Variants in FTO observed in about 807,000 individuals in gnomAD.
FTO encodes alpha-ketoglutarate-dependent dioxygenase FTO.
A neutral mutation model predicts 63.9 loss-of-function variants in FTO; 47 were observed. The observed-to-expected ratio is 0.74, with a 90% confidence interval of 0.58 to 0.94. The LOEUF is 0.94. Among genes scored for constraint, FTO ranks in the 40% least tolerant of loss-of-function variants. FTO has a pLI of 0.00. For missense variants in FTO, 562 were observed against 618.1 expected, an observed-to-expected ratio of 0.91 and a Z score of 0.96; for synonymous variants, 207 against 224.4, an observed-to-expected ratio of 0.92 and a Z score of 0.69.
chr16:53,830,225 A>G (rs1231942629), intron 3 of FTO, among the ~76,000 whole-genome samples: 2 of 152,244 alleles, frequency 1.3e-5, no homozygotes, highest in Non-Finnish European at 2.9e-5. Flanking sequence ...AGATATCTCC[A>G]GTAGGAAGAT....
At chr16:53,921,629 C>A (rs564234869) in intron 7 of FTO, among the ~76,000 whole-genome samples, 5 of 152,064 alleles carry the variant, frequency 3.3e-5, no homozygotes, top group African/African-American at 9.7e-5. Flanking sequence ...AAAGATAAGG[C>A]AAGGCACCGT....
At chr16:53,911,392 A>G (rs925727658) in intron 7 of FTO, 1 of 703,126 alleles carries the variant, frequency 1.4e-6, no homozygotes, top group African/African-American at 1.7e-5. Context: ...GGAGTGGAGG[A>G]AAGTCAGCGA....
At chr16:54,005,434 G>A (rs1425433394) in intron 8 of FTO, among the ~76,000 whole-genome samples, 1 of 149,780 alleles carries the variant, frequency 6.7e-6, no homozygotes, top group East Asian at 1.9e-4. Context: ...TACACACAGT[G>A]TGTGTACACT....
chr16:53,897,191 A>AT (rs1051072176), intron 7 of FTO, among the ~76,000 whole-genome samples: 15 of 150,960 alleles, frequency 9.9e-5, no homozygotes, highest in South Asian at 4.2e-4. Context: ...TGTGATTGAC[A>AT]TTTTTTTTTG....
chr16:53,761,300 T>C (rs1318133256), intron 1 of FTO, among the ~76,000 whole-genome samples: 4 of 151,266 alleles, frequency 2.6e-5, no homozygotes, highest in East Asian at 2.0e-4. Flanking sequence ...TGGCACCTTA[T>C]TATGTTTCCC....
chr16:54,019,487 T>C (rs1454783632), intron 8 of FTO, among the ~76,000 whole-genome samples: 1 of 152,224 alleles, frequency 6.6e-6, no homozygotes, highest in African/African-American at 2.4e-5. Context: ...GCAAAAGTTG[T>C]TGGCATATCT....
chr16:54,086,270 T>C (rs2086253046), intron 8 of FTO, among the ~76,000 whole-genome samples: 1 of 152,178 alleles, frequency 6.6e-6, no homozygotes, highest in Non-Finnish European at 1.5e-5. Context: ...ACAAGACCCA[T>C]GTATCCAGCC....
At chr16:53,756,847 G>A (rs1281233728) in intron 1 of FTO, among the ~76,000 whole-genome samples, 1 of 152,194 alleles carries the variant, frequency 6.6e-6, no homozygotes, top group Non-Finnish European at 1.5e-5. Flanking sequence ...TGTGTACTCA[G>A]AGCATTTGAA....
intron 7 of FTO, among the ~76,000 whole-genome samples, chr16:53,930,094 A>T (rs900875188): frequency 6.6e-6 from 1 of 151,736 alleles, no homozygotes; most frequent in African/African-American, 2.4e-5. Context: ...ATTCTCCACC[A>T]CTTGTTAATA....
rs375149373 is a variant in FTO, at chr16:53,997,679, T to A, written c.1364+63570T>A. Among the ~76,000 whole-genome samples the A allele has an allele frequency of 4.4e-4, 61 of 137,586 alleles. 1 individual carries two copies. In the South Asian group the frequency reaches 0.015, roughly 33 times the overall value. The allele number at this position is 137,586 out of a possible 152,430, so 90.3% of individuals were successfully genotyped here. A position where few individuals can be genotyped will look rare whatever the true frequency, so the allele number is the denominator to read the frequency against. On this transcript the variant is annotated intron_variant, in intron 8 of 8. Transcript: ENST00000471389. ...AACATTCAGAAACTGTCCTTCTTAA[T>A]ATTTTTGCCATATTTGATTTGGATC...
chr16:53,966,059 G>C (rs902021309), intron 8 of FTO, among the ~76,000 whole-genome samples: 11 of 151,934 alleles, frequency 7.2e-5, no homozygotes, highest in South Asian at 6.2e-4. Flanking sequence ...GTAGAGATGG[G>C]GTTTCACCAT....
intron 7 of FTO, among the ~76,000 whole-genome samples, chr16:53,910,581 G>C (rs1287280258): frequency 1.3e-5 from 2 of 152,110 alleles, no homozygotes; most frequent in East Asian, 3.9e-4. Flanking sequence ...GTGTCACTTA[G>C]GCTGGAGTGC....
chr16:53,928,220 A>G (rs11646505), intron 7 of FTO, among the ~76,000 whole-genome samples: 83,368 of 151,984 alleles, frequency 0.55, 24,340 homozygotes, highest in African/African-American at 0.75. Flanking sequence ...AAGTACTAAT[A>G]AAATGAAATT....
rs1290922677 is a variant in FTO at position 53,844,263 on chromosome 16, T to A, written c.860T>A (p.Ile287Lys). 6.2e-7 allele frequency: 1 copy of A among 1,613,706 alleles called. No homozygotes were observed. The highest frequency in any genetic ancestry group is 1.3e-5 in the African/African-American group (1 of 75,042). ...SWDIETPGLA[I>K]PLHQGDCYFM... ...GACATAGAGACACCTGGTTTGGCGA[T>A]ACCCCTTCACCAAGGAGACTGCTAT... Residue 287 changes from isoleucine to lysine, a missense_variant, in exon 4 of 9, where the codon ATA becomes AAA. Coordinates refer to ENST00000471389, the MANE Select transcript of FTO (RefSeq NM_001080432.3).
intron 1 of FTO, among the ~76,000 whole-genome samples, chr16:53,734,895 A>G (rs1328587713): frequency 2.0e-5 from 3 of 152,036 alleles, no homozygotes; most frequent in Non-Finnish European, 4.4e-5. Flanking sequence ...CCCCTAGCAC[A>G]CTCCTTATTA....
intron 1 of FTO, among the ~76,000 whole-genome samples, chr16:53,793,365 A>G (rs1041881754): frequency 6.6e-6 from 1 of 152,176 alleles, no homozygotes; most frequent in Non-Finnish European, 1.5e-5. Context: ...ATTGACGATT[A>G]TAGGTAAGAA....
intron 8 of FTO, among the ~76,000 whole-genome samples, chr16:53,964,773 C>T (rs1304037197): frequency 3.3e-5 from 5 of 152,174 alleles, no homozygotes; most frequent in Non-Finnish European, 5.9e-5. Context: ...TTGGTTATTA[C>T]TCAACATTGT....
chr16:53,984,029 C>G (rs2083607292), intron 8 of FTO, among the ~76,000 whole-genome samples: 1 of 152,168 alleles, frequency 6.6e-6, no homozygotes, highest in Non-Finnish European at 1.5e-5. Flanking sequence ...GTGGCCATAC[C>G]TTCTCATTCT....
At chr16:53,836,104 TG>T (rs1299039264) in intron 3 of FTO, among the ~76,000 whole-genome samples, 1 of 152,194 alleles carries the variant, frequency 6.6e-6, no homozygotes, top group African/African-American at 2.4e-5. Flanking sequence ...TTGGCCAGGC[TG>T]GTCTCGAATT....
Sources: allele counts gnomAD v4.1 joint callset (sites outside exome capture counted in the v4.1 genomes callset), GRCh38; gene constraint gnomAD v4.1.1; transcripts MANE v1.5; gene names NCBI Gene and HGNC (gene_info 2026-07-23, HGNC 2026-07-21).